The following SYNJ1 variants were observed in gnomAD, a reference collection of about 807,000 sequenced individuals.
SYNJ1 encodes the protein synaptojanin 1.
In SYNJ1, 78 loss-of-function variants were observed where a neutral mutation model predicts 168.2. The ratio of observed to expected loss-of-function variants is 0.46; its 90% CI spans 0.39 to 0.56. The LOEUF (loss-of-function observed/expected upper bound fraction) is 0.56. Among genes scored for constraint, SYNJ1 ranks in the 20% least tolerant of loss-of-function variants. SYNJ1 has a pLI of 0.00. For missense variants in SYNJ1, 1,303 were observed against 1,597.6 expected (o/e 0.82, Z 3.14); for synonymous variants, 539 against 548.6 (o/e 0.98, Z 0.24).
At chr21:32,678,872 T>C (rs1002245811) in intron 11 of SYNJ1, 71 bp from the exon 12 acceptor site, 3 of 1,558,768 alleles carry the variant, frequency 1.9e-6, no homozygotes, top group African/African-American at 2.8e-5. Flanking sequence ...ATTAGGTTTT[T>C]TGAAATTTTA....
Position 32,665,007 on chromosome 21 carries a change from A to G in SYNJ1, c.2210T>C (p.Leu737Pro), listed in dbSNP as rs745418083. The G allele has an allele frequency of 6.2e-7, 1 of 1,613,586 alleles. No individual in the cohort carries two copies. The highest frequency in any genetic ancestry group is 8.5e-7 in the Non-Finnish European group (1 of 1,179,634). ...GAGCTCTTTAACTTCTTCGTTAGGG[A>G]GATCGATTCGATAGTTGAAATCACC... ...WCGDFNYRID[L>P]PNEEVKELIR... Residue 737 changes from leucine to proline, a missense_variant, in exon 18 of 33, where the codon CTC becomes CCC. Leu to Pro is a moderately conservative substitution (Grantham distance 98, BLOSUM62 -3). Transcript: ENST00000674351.
Position 32,666,036 on chromosome 21 carries a change from G to A in SYNJ1, c.2052C>T (p.Cys684=), listed in dbSNP as rs2040916014. The change falls in exon 17 of 33, where the codon TGC becomes TGT. Residue 684 remains cysteine, a synonymous_variant. Coordinates refer to ENST00000674351, the MANE Select transcript of SYNJ1 (RefSeq NM_203446.3). ...CTGCAGCAAAGTGGCTACAGACGAA[G>A]CAAAGGCTGGTTGTATGGAAGAGCA... The part of the protein sequence containing the change: ...IRMLFHTTSL[C]FVCSHFAAGQ... 1 of 1,613,964 alleles carries A rather than the reference G, an allele frequency of 6.2e-7. No homozygotes were observed.
chr21:32,690,184 T>C (rs2041971114), intron 6 of SYNJ1, among the ~76,000 whole-genome samples: 1 of 152,148 alleles, frequency 6.6e-6, no homozygotes, highest in Non-Finnish European at 1.5e-5. Context: ...CTCATAGCAA[T>C]ATACTGGCTA....
At chr21:32,678,566 A>ATT in intron 12 of SYNJ1, 79 bp downstream of exon 12, 17 of 1,417,158 alleles carry the variant, frequency 1.2e-5, no homozygotes, top group Non-Finnish European at 1.4e-5. Flanking sequence ...CCAACTAAAA[A>ATT]TTCTGTGTAA....
At chr21:32,637,647 C>T (rs1224258377) in intron 31 of SYNJ1, among the ~76,000 whole-genome samples, 1 of 152,062 alleles carries the variant, frequency 6.6e-6, no homozygotes, top group Non-Finnish European at 1.5e-5. Context: ...AATTCCTGAC[C>T]TCAGGCGATC....
chr21:32,688,481 A>G, intron 6 of SYNJ1, 114 bp from the exon 7 acceptor site: 1 of 778,006 alleles, frequency 1.3e-6, no homozygotes, highest in Non-Finnish European at 2.0e-6. Flanking sequence ...CGTTAATCAA[A>G]TAACTGATTT....
rs778963448 is a variant in SYNJ1, at chr21:32,644,971, C to T, written c.3427G>A (p.Gly1143Arg). The T allele has an allele frequency of 6.2e-7, 1 of 1,607,418 alleles. No individual in the cohort carries two copies. Among genetic ancestry groups the T allele is most frequent in the South Asian group, 1.1e-5 (1 of 89,360 alleles). The stretch of plus-strand genomic sequence containing the variant: ...GCTAACAAATGTAAATGGTTACCTC[C>T]AAATTCCTTTCTAGTGGGTGCAGGA... ...RSPAPTRKEF[G>R]GIGAPPSPGV... Residue 1143 changes from glycine (G) to arginine (R), a missense_variant, in exon 26 of 33, where the codon GGA becomes AGA. Gly to Arg is a moderately radical substitution (Grantham distance 125, BLOSUM62 -2). Coordinates refer to ENST00000674351, the MANE Select transcript of SYNJ1 (RefSeq NM_203446.3).
chr21:32,720,092 A>G (rs1569136489), intron 2 of SYNJ1, among the ~76,000 whole-genome samples: 2 of 152,072 alleles, frequency 1.3e-5, no homozygotes, highest in Non-Finnish European at 2.9e-5. Flanking sequence ...ATACAAAATT[A>G]GCTGGGCGTG....
At chr21:32,710,574 G>A (rs1406561411) in intron 2 of SYNJ1, among the ~76,000 whole-genome samples, 1 of 151,734 alleles carries the variant, frequency 6.6e-6, no homozygotes, top group East Asian at 1.9e-4. Context: ...ACCCAAGCCT[G>A]AGTGCAGTGG....
At chr21:32,714,240 T>C (rs1452172175) in intron 2 of SYNJ1, among the ~76,000 whole-genome samples, 3 of 151,986 alleles carry the variant, frequency 2.0e-5, no homozygotes, top group Non-Finnish European at 4.4e-5. Flanking sequence ...AGAGGTAAAG[T>C]GGTAACAGGT....
Position 32,697,817 on chromosome 21 carries a change from TC to T in SYNJ1, c.479+2020del, listed in dbSNP as rs1326287015. On this transcript the variant is annotated intron_variant, in intron 4 of 32. Transcript: ENST00000674351. ...CTCAAAAAAATCAATCAACCAACCATCCAATTAATCATGCCTATTGATTAAA... is the reference window on the plus strand; with the variant it reads ...CTCAAAAAAATCAATCAACCAACCATCAATTAATCATGCCTATTGATTAAA... 3.3e-5 allele frequency among the ~76,000 whole-genome samples: 5 copies of T among 152,090 alleles called. No individual in the cohort carries two copies. The East Asian group carries it at 9.6e-4, about 29-fold the overall frequency.
intron 11 of SYNJ1, among the ~76,000 whole-genome samples, chr21:32,680,612 C>T (rs62214439): frequency 0.011 from 1,731 of 151,884 alleles, 12 homozygotes; most frequent in Non-Finnish European, 0.016. Flanking sequence ...ATAATTAAGT[C>T]CATTCTTTTT....
intron 3 of SYNJ1, among the ~76,000 whole-genome samples, chr21:32,701,660 C>G (rs944853686): frequency 6.6e-6 from 1 of 151,958 alleles, no homozygotes; most frequent in Non-Finnish European, 1.5e-5. Flanking sequence ...CCTAAATGCA[C>G]TGAATCAACA....
intron 6 of SYNJ1, among the ~76,000 whole-genome samples, chr21:32,693,615 A>T (rs964785172): frequency 1.3e-5 from 2 of 152,214 alleles, no homozygotes; most frequent in African/African-American, 2.4e-5. Context: ...ATATACTTCA[A>T]GGACTAATAA....
At chr21:32,638,131 C>T (rs1047359375) in intron 31 of SYNJ1, among the ~76,000 whole-genome samples, 5 of 152,110 alleles carry the variant, frequency 3.3e-5, no homozygotes, top group Non-Finnish European at 7.4e-5. Context: ...TGCAGTGGAG[C>T]GATCATGGCT....
At position 32,629,918 on chromosome 21, in the gene SYNJ1, G is replaced by C. The variant is rs1050076581; in HGVS notation, c.*1887C>G. 2 of 152,490 alleles carry C rather than the reference G, an allele frequency of 1.3e-5. No individual in the cohort carries two copies. Among genetic ancestry groups the C allele is most frequent in the African/African-American group, 4.8e-5 (2 of 41,434 alleles). The allele number at this position is 152,490 out of a possible 1,614,324, so 9.4% of individuals were successfully genotyped here. A position where few individuals can be genotyped will look rare whatever the true frequency, so the allele number is the denominator to read the frequency against. On this transcript the variant is annotated 3_prime_UTR_variant, in exon 33 of 33. Transcript: ENST00000674351. ...ATGTGTTATGTAGCCTCGTAAGAGG[G>C]GGGAGAACACACACTGGGTATATTC... is the stretch of plus-strand genomic sequence containing the variant.
At chr21:32,660,683 T>C (rs1004651630) in intron 18 of SYNJ1, among the ~76,000 whole-genome samples, 7 of 152,268 alleles carry the variant, frequency 4.6e-5, no homozygotes, top group South Asian at 2.1e-4. Flanking sequence ...GCTGAGCTCA[T>C]TGCTTTAACT....
intron 18 of SYNJ1, among the ~76,000 whole-genome samples, chr21:32,663,662 C>G (rs754803014): frequency 3.3e-5 from 5 of 152,158 alleles, no homozygotes; most frequent in Non-Finnish European, 7.3e-5. Flanking sequence ...GAATGGCCCC[C>G]TGAGAGAATC....
chr21:32,685,782 C>T lies in SYNJ1; in HGVS notation c.1084G>A (p.Gly362Arg). ...TCACTTCCATTGAAATAAAAAAATCCATAATCTAGAAACTTCTGGACTTGA... is the reference window on the plus strand; with the variant it reads ...TCACTTCCATTGAAATAAAAAAATCTATAATCTAGAAACTTCTGGACTTGA... ...KPQVQKFLDY[G>R]FFYFNGSEVQ... The change falls in exon 9 of 33, where the codon GGA becomes AGA. Residue 362 changes from glycine (G) to arginine (R), a missense_variant. Physicochemically the swap from Gly to Arg is moderately radical, Grantham distance 125 (BLOSUM62 -2). Coordinates refer to ENST00000674351, the MANE Select transcript of SYNJ1 (RefSeq NM_203446.3). 6.2e-6 allele frequency: 10 copies of T among 1,607,620 alleles called. No homozygotes were observed. Among genetic ancestry groups the T allele is most frequent in the Non-Finnish European group, 7.6e-6 (9 of 1,177,638 alleles).
Sources: allele counts gnomAD v4.1 joint callset (sites outside exome capture counted in the v4.1 genomes callset), GRCh38; gene constraint gnomAD v4.1.1; transcripts MANE v1.5; gene names NCBI Gene and HGNC (gene_info 2026-07-23, HGNC 2026-07-21).